LRRC4C: variants seen among roughly 807,000 people sequenced by gnomAD.
The protein encoded by LRRC4C is leucine rich repeat containing 4C, also known as leucine-rich repeat-containing protein 4C.
LRRC4C carries 5 observed loss-of-function variants against 33.6 expected under a neutral mutation model. The observed-to-expected ratio is 0.15, with a 90% CI of 0.08 to 0.31. The LOEUF is 0.31. Among genes scored for constraint, LRRC4C ranks in the 10% least tolerant of loss-of-function variants. The pLI, the probability that LRRC4C is intolerant of heterozygous loss-of-function variation, is 1.00. For missense variants in LRRC4C, 560 were observed against 796.7 expected (o/e 0.70, Z 3.58); for synonymous variants, 329 against 302.0 (o/e 1.09, Z -0.93).
intron 1 of LRRC4C, among the ~76,000 whole-genome samples, chr11:41,429,159 G>T (rs1955147299): frequency 1.3e-5 from 2 of 152,060 alleles, no homozygotes; most frequent in Admixed American, 1.3e-4. Context: ...GGTATAAGGG[G>T]CTTTTCCCTC....
At chr11:40,525,671 CT>C (rs55858765) in intron 3 of LRRC4C, among the ~76,000 whole-genome samples, 14,311 of 151,990 alleles carry the variant, frequency 0.094, 793 homozygotes, top group Middle Eastern at 0.15. Flanking sequence ...GAAATAATTT[CT>C]CTTTAAAACA....
chr11:41,065,405 C>T (rs1938153713), intron 1 of LRRC4C, among the ~76,000 whole-genome samples: 1 of 152,148 alleles, frequency 6.6e-6, no homozygotes, highest in African/African-American at 2.4e-5. Flanking sequence ...CAGTCAGGGG[C>T]TTACAGAAAG....
At chr11:40,312,426 A>C (rs1028709003) in intron 4 of LRRC4C, among the ~76,000 whole-genome samples, 1 of 152,190 alleles carries the variant, frequency 6.6e-6, no homozygotes, top group African/African-American at 2.4e-5. Flanking sequence ...GAGATAATTC[A>C]TGTAAAGGAG....
intron 3 of LRRC4C, among the ~76,000 whole-genome samples, chr11:40,625,798 G>A (rs191005730): frequency 6.6e-6 from 1 of 152,128 alleles, no homozygotes; most frequent in Non-Finnish European, 1.5e-5. Context: ...ATCAAGAATA[G>A]GATTGCTGTC....
Position 40,414,046 on chromosome 11 carries a change from C to T in LRRC4C, c.-269-94325G>A, listed in dbSNP as rs569875789. 2.6e-4 allele frequency among the ~76,000 whole-genome samples: 40 copies of T among 151,640 alleles called. 1 individual carries two copies. In the South Asian group the frequency reaches 8.1e-3, roughly 31 times the overall value. On this transcript the variant is annotated intron_variant, in intron 3 of 6. Coordinates refer to ENST00000528697, the MANE Select transcript of LRRC4C (RefSeq NM_001258419.2). The stretch of plus-strand genomic sequence containing the variant: ...ACTAGATCTAAACACATTTTTTTGA[C>T]TCTACACAGATGATTCTGCAACAAT...
intron 1 of LRRC4C, among the ~76,000 whole-genome samples, chr11:41,063,410 C>G (rs1403304042): frequency 1.3e-5 from 2 of 152,136 alleles, no homozygotes; most frequent in East Asian, 3.9e-4. Flanking sequence ...AAGACACATT[C>G]ATTTAGTTAC....
chr11:40,859,154 G>A (rs977915763), intron 2 of LRRC4C, among the ~76,000 whole-genome samples: 4 of 152,190 alleles, frequency 2.6e-5, no homozygotes, highest in Admixed American at 1.3e-4. Context: ...AACTCATGGT[G>A]TATCAGTAAT....
At chr11:40,906,745 A>G (rs554269372) in intron 2 of LRRC4C, among the ~76,000 whole-genome samples, 5 of 152,044 alleles carry the variant, frequency 3.3e-5, no homozygotes, top group African/African-American at 1.2e-4. Context: ...TTTACAATAA[A>G]TTCACATGTA....
At chr11:40,662,125 T>C (rs1235257878) in intron 2 of LRRC4C, among the ~76,000 whole-genome samples, 1 of 152,216 alleles carries the variant, frequency 6.6e-6, no homozygotes, top group Non-Finnish European at 1.5e-5. Flanking sequence ...AAATAATTAT[T>C]AAATAAAATC....
chr11:40,650,276 G>A (rs776024714), intron 2 of LRRC4C, among the ~76,000 whole-genome samples: 6 of 152,110 alleles, frequency 3.9e-5, no homozygotes, highest in East Asian at 1.9e-4. Flanking sequence ...TCATGAAGAC[G>A]AAGTGATACT....
chr11:41,248,357 A>G (rs2136618455), intron 1 of LRRC4C, among the ~76,000 whole-genome samples: 1 of 152,194 alleles, frequency 6.6e-6, no homozygotes, highest in African/African-American at 2.4e-5. Flanking sequence ...CATACAAAGG[A>G]TTCTTGATGA....
At chr11:41,356,019 A>T (rs185487119) in intron 1 of LRRC4C, among the ~76,000 whole-genome samples, 2 of 152,236 alleles carry the variant, frequency 1.3e-5, no homozygotes, top group Admixed American at 1.3e-4. Context: ...AGTGGCTATG[A>T]GTTTATAGCG....
At chr11:40,574,521 T>G (rs1341716437) in intron 3 of LRRC4C, among the ~76,000 whole-genome samples, 1 of 152,130 alleles carries the variant, frequency 6.6e-6, no homozygotes, top group Non-Finnish European at 1.5e-5. Context: ...ACTGGAACAT[T>G]AGTACAAATG....
chr11:41,091,009 G>A (rs1450382464), intron 1 of LRRC4C, among the ~76,000 whole-genome samples: 1 of 152,000 alleles, frequency 6.6e-6, no homozygotes. Context: ...TGCAGCACAA[G>A]AAAGAAAAAA....
intron 1 of LRRC4C, among the ~76,000 whole-genome samples, chr11:41,401,584 T>C (rs1954027882): frequency 6.6e-6 from 1 of 151,824 alleles, no homozygotes; most frequent in Non-Finnish European, 1.5e-5. Flanking sequence ...AGGATTTAAC[T>C]GGCAAAGGAC....
At chr11:41,084,919 A>G (rs1939852416) in intron 1 of LRRC4C, among the ~76,000 whole-genome samples, 1 of 152,218 alleles carries the variant, frequency 6.6e-6, no homozygotes, top group East Asian at 1.9e-4. Flanking sequence ...TAAGTGGTTG[A>G]AACTCAATTC....
At chr11:40,915,723 T>G (rs1441380122) in intron 2 of LRRC4C, among the ~76,000 whole-genome samples, 27 of 152,212 alleles carry the variant, frequency 1.8e-4, no homozygotes, top group African/African-American at 4.8e-4. Flanking sequence ...AAGAGCTTCT[T>G]CACAGCAAAA....
chr11:41,322,543 G>A (rs1264100713), intron 1 of LRRC4C, among the ~76,000 whole-genome samples: 3 of 151,870 alleles, frequency 2.0e-5, no homozygotes, highest in Admixed American at 6.6e-5. Context: ...AGTTAATCCT[G>A]AAAATATAAT....
At chr11:41,046,591 T>A (rs1027293884) in intron 1 of LRRC4C, among the ~76,000 whole-genome samples, 9 of 152,182 alleles carry the variant, frequency 5.9e-5, no homozygotes, top group Non-Finnish European at 1.5e-5. Context: ...GATCCCTCGC[T>A]TACTGTTATT....
Sources: allele counts gnomAD v4.1 joint callset (sites outside exome capture counted in the v4.1 genomes callset), GRCh38; gene constraint gnomAD v4.1.1; transcripts MANE v1.5; gene names NCBI Gene and HGNC (gene_info 2026-07-23, HGNC 2026-07-21).